Variants in AKAP8L observed in about 807,000 individuals in gnomAD.
The protein encoded by AKAP8L is A-kinase anchoring protein 8 like.
A neutral mutation model predicts 77.5 loss-of-function variants in AKAP8L; 34 were observed. The observed-to-expected ratio is 0.44, with a 90% CI of 0.33 to 0.58. AKAP8L has a LOEUF of 0.58. AKAP8L is among the 20% of genes least tolerant of loss of function. The pLI is 0.02. For synonymous variants in AKAP8L, 342 were observed against 340.7 expected (o/e 1.00, Z -0.04); for missense variants, 806 against 887.6 (o/e 0.91, Z 1.17).
At chr19:15,418,849 G>T (rs535072484) in intron 1 of AKAP8L, 62 bp downstream of exon 1, 33 of 1,523,456 alleles carry the variant, frequency 2.2e-5, no homozygotes, top group Non-Finnish European at 2.9e-5. Context: ...AGCCTGGTGC[G>T]GCATCCGCAC....
intron 2 of AKAP8L, among the ~76,000 whole-genome samples, chr19:15,409,246 T>C (rs34440569): frequency 3.6e-3 from 552 of 152,300 alleles, no homozygotes; most frequent in South Asian, 7.0e-3. Flanking sequence ...GTAAATGGCA[T>C]ATCCGAGAAA....
intron 12 of AKAP8L, among the ~76,000 whole-genome samples, 168 bp downstream of exon 12, chr19:15,396,980 CCT>C (rs1276909048): frequency 1.3e-5 from 2 of 152,220 alleles, no homozygotes; most frequent in Non-Finnish European, 2.9e-5. Context: ...ATCTCTCACC[CCT>C]CTCTCTGTAG....
At position 15,395,983 on chromosome 19, in the gene AKAP8L, C is replaced by CAAAA. The variant is rs751904092; in HGVS notation, c.1536+1163_1536+1166dup. Among the ~76,000 whole-genome samples, 259 of 40,470 alleles carry CAAAA rather than the reference C, an allele frequency of 6.4e-3. 9 individuals carry two copies. The highest frequency in any genetic ancestry group is 0.029 in the Middle Eastern group (2 of 70). 26.5% of individuals were successfully genotyped at this position (40,470 alleles called of 152,430 possible). On this transcript the variant is annotated intron_variant, in intron 12 of 13. Coordinates refer to ENST00000397410, the MANE Select transcript of AKAP8L (RefSeq NM_014371.4). ...TGGGCGACAGAGCGAGACTCCGTCT[C>CAAAA]AAAAAAAAAAAAAAAAAAAGAATCT...
In AKAP8L at chr19:15,392,061, T is replaced by C. The variant is rs188070608; in HGVS notation, c.1536+5089A>G. Among the ~76,000 whole-genome samples the C allele has an allele frequency of 3.5e-4, 53 of 152,302 alleles. 1 individual carries two copies. Among genetic ancestry groups the C allele is most frequent in the Admixed American group, 2.9e-3 (45 of 15,290 alleles). On this transcript the variant is annotated intron_variant, in intron 12 of 13. Transcript: ENST00000397410. ...GTTGCCCATGCTGGTCTCAAACTCT[T>C]GGACTGAAGCAATCCTCCCACCTTC...
At chr19:15,388,449 A>G (rs1165355479) in intron 12 of AKAP8L, among the ~76,000 whole-genome samples, 1 of 152,180 alleles carries the variant, frequency 6.6e-6, no homozygotes, top group African/African-American at 2.4e-5. Flanking sequence ...AGCAATTGTA[A>G]ATAGGTTTAA....
intron 2 of AKAP8L, among the ~76,000 whole-genome samples, chr19:15,406,554 C>T (rs1019491475): frequency 6.2e-4 from 94 of 152,198 alleles, no homozygotes; most frequent in East Asian, 1.2e-3. Context: ...GCATCCTCGA[C>T]TTCTTGGGTT....
rs148790093 is a variant in AKAP8L, at chr19:15,416,278, C to A, written c.13+2633G>T. Among the ~76,000 whole-genome samples, 3 of 152,342 alleles carry A rather than the reference C, an allele frequency of 2.0e-5. No homozygotes were observed. The East Asian group carries it at 5.8e-4, about 29-fold the overall frequency. On this transcript the variant is annotated intron_variant, in intron 1 of 13. Coordinates refer to ENST00000397410, the MANE Select transcript of AKAP8L (RefSeq NM_014371.4). ...TCAAAGATGGTCTCCATTCCTGCCT[C>A]TTAACGTTATGTAGATCCCTCCCAA...
chr19:15,406,150 T>A (rs1457685424), intron 2 of AKAP8L, among the ~76,000 whole-genome samples: 3 of 151,872 alleles, frequency 2.0e-5, no homozygotes, highest in African/African-American at 7.3e-5. Context: ...CTCTCAGGAG[T>A]CCCTCCAGGC....
chr19:15,384,583 G>C (rs1379210287), intron 12 of AKAP8L, among the ~76,000 whole-genome samples: 1 of 152,144 alleles, frequency 6.6e-6, no homozygotes, highest in Non-Finnish European at 1.5e-5. Context: ...TTACAGGCAT[G>C]AGCCACCATG....
chr19:15,408,900 GTTTTGT>G (rs1024583179), intron 2 of AKAP8L, among the ~76,000 whole-genome samples: 25 of 151,768 alleles, frequency 1.6e-4, no homozygotes, highest in East Asian at 3.9e-4. Flanking sequence ...AGAAAAAATG[GTTTTGT>G]TTTTGTTTTT....
rs1967378355 is a variant in AKAP8L at position 15,380,378 on chromosome 19, G to A, written c.1685C>T (p.Ala562Val). ...SPEEEKEQEE[A>V]EGGALDEGAQ... Reference sequence around the variant, plus strand: ...CCCCTCGTCCAGGGCACCGCCCTCAGCCTCCTCCTGCTCCTTCTCCTCCTC... The same window carrying A: ...CCCCTCGTCCAGGGCACCGCCCTCAACCTCCTCCTGCTCCTTCTCCTCCTC... Residue 562 changes from alanine (A) to valine (V), a missense_variant, in exon 14 of 14, where the codon GCT becomes GTT. Physicochemically the swap from Ala to Val is moderately conservative, Grantham distance 64 (BLOSUM62 0). Transcript: ENST00000397410. 6.3e-7 allele frequency: 1 copy of A among 1,575,318 alleles called. No homozygotes were observed. Among genetic ancestry groups the A allele is most frequent in the East Asian group, 2.3e-5 (1 of 43,078 alleles).
rs1185766847 is a variant in AKAP8L at position 15,380,399 on chromosome 19, T to A, written c.1664A>T (p.Glu555Val). ...GENPFTDSPEEEKEQEEAEGG... is the reference protein window; with the variant it reads ...GENPFTDSPEVEKEQEEAEGG... ...CTCAGCCTCCTCCTGCTCCTTCTCC[T>A]CCTCGGGGCTGTCGGTGAAAGGGTT... Residue 555 changes from glutamate to valine, a missense_variant, in exon 14 of 14, where the codon GAG becomes GTG. By Grantham distance (121) the Glu-to-Val change is moderately radical (BLOSUM62 -2). This residue lies in a region of AKAP8L where 226 missense variants were observed against 193.5 expected (regional missense o/e 1.17). Coordinates refer to ENST00000397410, the MANE Select transcript of AKAP8L (RefSeq NM_014371.4). 2 of 1,591,720 alleles carry A rather than the reference T, an allele frequency of 1.3e-6. No individual in the cohort carries two copies. The highest frequency in any genetic ancestry group is 1.7e-6 in the Non-Finnish European group (2 of 1,170,890).
In AKAP8L at chr19:15,403,405, GA is replaced by G. The variant is rs1568270123; in HGVS notation, c.362+69del. The G allele has an allele frequency of 7.5e-6, 11 of 1,475,370 alleles. No individual in the cohort carries two copies. The highest frequency in any genetic ancestry group is 1.0e-5 in the Non-Finnish European group (11 of 1,060,398). The allele number at this position is 1,475,370 out of a possible 1,614,324, so 91.4% of individuals were successfully genotyped here. ...CAGACACAGAGGGGCACTCAGAGAG[GA>G]AAACGCAGTGGGCAGCAGGCAGGAG... On this transcript the variant is annotated intron_variant, in intron 4 of 13. Coordinates refer to ENST00000397410, the MANE Select transcript of AKAP8L (RefSeq NM_014371.4). This position sits in a 1 kb window ranked among gnomAD's most constrained non-coding sequence, Gnocchi z 4.3.
chr19:15,404,141 CAGGCT>C, intron 2 of AKAP8L, 99 bp from the exon 3 acceptor site: 1 of 1,234,766 alleles, frequency 8.1e-7, no homozygotes, highest in Non-Finnish European at 1.2e-6. Flanking sequence ...CTGGTCAGAG[CAGGCT>C]GCACCTCCCC....
In AKAP8L at chr19:15,399,180, C is replaced by T. The variant is rs1967837546; in HGVS notation, c.1157+122G>A. 3 of 843,596 alleles carry T rather than the reference C, an allele frequency of 3.6e-6. 1 individual carries two copies. Among genetic ancestry groups the T allele is most frequent in the South Asian group, 3.1e-5 (2 of 64,170 alleles). 52.3% of individuals were successfully genotyped at this position (843,596 alleles called of 1,614,324 possible). On this transcript the variant is annotated intron_variant, in intron 9 of 13. Transcript: ENST00000397410. The surrounding 1 kb of genome is among the most constrained non-coding windows in gnomAD (Gnocchi z 6.1). ...GCGGGAAGCAGGGTCCATGCACGGCCGAGCAGGTGGCGGCTCCCAAGGGAG... is the reference window on the plus strand; with the variant it reads ...GCGGGAAGCAGGGTCCATGCACGGCTGAGCAGGTGGCGGCTCCCAAGGGAG...
chr19:15,404,028 T>A lies in AKAP8L; in HGVS notation c.103A>T (p.Asn35Tyr). The part of the protein sequence containing the change: ...PTCDYGYGTW[N>Y]SGTNRGYEGY... ...CACTTGCCTCTATTTGTCCCAGAGTTCCAAGTTCCATATCCTACAAAAAGT... is the reference window on the plus strand; with the variant it reads ...CACTTGCCTCTATTTGTCCCAGAGTACCAAGTTCCATATCCTACAAAAAGT... Residue 35 changes from asparagine to tyrosine, a missense_variant, in exon 3 of 14, where the codon AAC (asparagine) becomes TAC (tyrosine). Coordinates refer to ENST00000397410, the MANE Select transcript of AKAP8L (RefSeq NM_014371.4). The A allele has an allele frequency of 6.2e-7, 1 of 1,613,840 alleles. No homozygotes were observed. Among genetic ancestry groups the A allele is most frequent in the Non-Finnish European group, 8.5e-7 (1 of 1,179,836 alleles).
intron 12 of AKAP8L, chr19:15,382,055 G>A (rs898291675): frequency 5.9e-5 from 9 of 152,224 alleles, no homozygotes; most frequent in Admixed American, 4.6e-4. Flanking sequence ...TTTTGCTGTG[G>A]ATAAAAGACA....
intron 12 of AKAP8L, among the ~76,000 whole-genome samples, chr19:15,395,035 C>CT (rs1035635061): frequency 1.2e-3 from 168 of 143,614 alleles, no homozygotes; most frequent in South Asian, 2.8e-3. Context: ...TATTTTCCAA[C>CT]TTTTTTTTTT....
chr19:15,387,304 A>G (rs1967559476), intron 12 of AKAP8L, among the ~76,000 whole-genome samples: 1 of 152,188 alleles, frequency 6.6e-6, no homozygotes. Flanking sequence ...CAGTGAGAGC[A>G]CGGCCTTAAA....
Sources: gnomAD v4.1 joint callset for allele counts (sites outside exome capture counted in the v4.1 genomes callset) on GRCh38, gnomAD v4.1.1 for gene constraint, gnomAD v4.1.1 regional missense constraint, Gnocchi (gnomAD v3.1) non-coding constraint, MANE v1.5 for transcripts, NCBI Gene and HGNC (gene_info 2026-07-23, HGNC 2026-07-21) for gene names.